DNAH9: variants seen among roughly 807,000 people sequenced by gnomAD.
The protein encoded by DNAH9 is dynein axonemal heavy chain 9.
A neutral mutation model predicts 471.6 loss-of-function variants in DNAH9; 345 were observed. That is an observed-to-expected ratio of 0.73 (90% CI 0.67 to 0.80). The LOEUF is 0.80. Among genes scored for constraint, DNAH9 ranks in the 30% least tolerant of loss-of-function variants. The pLI is 0.00. For missense variants in DNAH9, 5,407 were observed against 5,609.2 expected, an observed-to-expected ratio of 0.96 and a Z score of 1.15; for synonymous variants, 2,093 against 2,123.6, an observed-to-expected ratio of 0.99 and a Z score of 0.40.
chr17:11,775,337 T>A (rs1326216926), intron 38 of DNAH9, among the ~76,000 whole-genome samples: 1 of 152,154 alleles, frequency 6.6e-6, no homozygotes, highest in Non-Finnish European at 1.5e-5. Flanking sequence ...AATTTAAGAA[T>A]CTACATTGAA....
intron 62 of DNAH9, among the ~76,000 whole-genome samples, chr17:11,927,048 G>A (rs752431735): frequency 3.9e-5 from 6 of 152,148 alleles, no homozygotes; most frequent in Non-Finnish European, 8.8e-5. Flanking sequence ...TGGCCACAAT[G>A]AATATCTTCT....
At chr17:11,718,464 A>G (rs2075003064) in intron 26 of DNAH9, among the ~76,000 whole-genome samples, 1 of 152,250 alleles carries the variant, frequency 6.6e-6, no homozygotes, top group African/African-American at 2.4e-5. Context: ...TATCCTGTGT[A>G]AATTCCTAGG....
At chr17:11,809,207 A>G (rs1388246977) in intron 44 of DNAH9, among the ~76,000 whole-genome samples, 9 of 150,562 alleles carry the variant, frequency 6.0e-5, no homozygotes, top group Admixed American at 1.3e-4. Context: ...GCATTTGTGT[A>G]TGTGTGTGTG....
At chr17:11,842,888 C>T (rs1286710260) in intron 49 of DNAH9, among the ~76,000 whole-genome samples, 14 of 152,212 alleles carry the variant, frequency 9.2e-5, no homozygotes, top group African/African-American at 3.1e-4. Context: ...AGGAACAATA[C>T]TTTGCACCCT....
intron 61 of DNAH9, among the ~76,000 whole-genome samples, chr17:11,914,026 T>C (rs1411618207): frequency 6.6e-6 from 1 of 152,154 alleles, no homozygotes; most frequent in Non-Finnish European, 1.5e-5. Context: ...AAACAGCACA[T>C]ATATTCTAAT....
rs1181383198 is a variant in DNAH9, at chr17:11,654,379, G to A, written c.2595+1377G>A. Among the ~76,000 whole-genome samples, 716 of 96,434 alleles carry A rather than the reference G, an allele frequency of 7.4e-3. 10 individuals carry two copies. Among genetic ancestry groups the A allele is most frequent in the Non-Finnish European group, 0.011 (504 of 44,238 alleles). The allele number at this position is 96,434 out of a possible 152,430, so 63.3% of individuals were successfully genotyped here. On this transcript the variant is annotated intron_variant, in intron 14 of 68. Transcript: ENST00000262442. ...TCAAAAAAAAAAAAAAAAAAAAAAA[G>A]TTTAAAATCGATCTATCATCCATCT...
chr17:11,843,152 C>T (rs1971088296), intron 49 of DNAH9, among the ~76,000 whole-genome samples: 1 of 152,154 alleles, frequency 6.6e-6, no homozygotes, highest in African/African-American at 2.4e-5. Flanking sequence ...CCCTTCACTA[C>T]TGTAATTCAA....
At chr17:11,824,496 T>C (rs778622869) in intron 48 of DNAH9, among the ~76,000 whole-genome samples, 4 of 152,168 alleles carry the variant, frequency 2.6e-5, no homozygotes, top group African/African-American at 4.8e-5. Context: ...CTGGGAGCAA[T>C]AGTCAGTTGG....
At chr17:11,719,993 A>G (rs2075025989) in intron 27 of DNAH9, among the ~76,000 whole-genome samples, 1 of 152,156 alleles carries the variant, frequency 6.6e-6, no homozygotes, top group South Asian at 2.1e-4. Context: ...GTGATTTCTG[A>G]AAGCAGGCTA....
intron 26 of DNAH9, among the ~76,000 whole-genome samples, chr17:11,716,942 A>T (rs1193073768): frequency 2.0e-5 from 3 of 152,254 alleles, no homozygotes; most frequent in South Asian, 2.1e-4. Flanking sequence ...GATAGCAGGC[A>T]TGGGATCCAC....
chr17:11,924,042 C>G, intron 62 of DNAH9, 101 bp downstream of exon 62: 1 of 1,464,522 alleles, frequency 6.8e-7, no homozygotes, highest in South Asian at 1.3e-5. Context: ...CCCATCTGTC[C>G]TTTCACACTC....
chr17:11,874,892 C>A, intron 52 of DNAH9, 57 bp from the exon 53 acceptor site: 3 of 1,305,206 alleles, frequency 2.3e-6, no homozygotes, highest in Non-Finnish European at 3.3e-6. Flanking sequence ...TGCATTCATC[C>A]CAGCTGAGAA....
At chr17:11,657,649 T>C (rs2073678306) in intron 14 of DNAH9, among the ~76,000 whole-genome samples, 1 of 152,080 alleles carries the variant, frequency 6.6e-6, no homozygotes, top group Admixed American at 6.5e-5. Flanking sequence ...TTTTATTTTT[T>C]TTCTTTTAGA....
intron 60 of DNAH9, 38 bp downstream of exon 60, chr17:11,902,950 G>A (rs779130823): frequency 2.5e-6 from 4 of 1,586,906 alleles, no homozygotes; most frequent in East Asian, 2.2e-5. Flanking sequence ...GCATAGGCAT[G>A]GGGCAAGGGC....
intron 20 of DNAH9, among the ~76,000 whole-genome samples, chr17:11,692,664 T>G (rs549672972): frequency 6.6e-6 from 1 of 152,048 alleles, no homozygotes; most frequent in African/African-American, 2.4e-5. Flanking sequence ...ATAATCACAT[T>G]AAGATGTTAT....
chr17:11,654,428 A>G (rs1339249622), intron 14 of DNAH9, among the ~76,000 whole-genome samples: 2 of 150,810 alleles, frequency 1.3e-5, no homozygotes, highest in East Asian at 3.9e-4. Context: ...CTATCTATTG[A>G]TGTATCACCT....
chr17:11,969,614 T>A lies in DNAH9; in HGVS notation c.*87T>A. 1.9e-6 allele frequency: 2 copies of A among 1,078,680 alleles called. No individual in the cohort carries two copies. The highest frequency in any genetic ancestry group is 2.6e-6 in the Non-Finnish European group (2 of 768,138). 66.8% of individuals were successfully genotyped at this position (1,078,680 alleles called of 1,614,324 possible). A position where few individuals can be genotyped will look rare whatever the true frequency, so the allele number is the denominator to read the frequency against. On this transcript the variant is annotated 3_prime_UTR_variant, in exon 69 of 69. Transcript: ENST00000262442. ...GTGGGTGAAGGGTCACCACAGACAC[T>A]TAGAACGGTAAGAAACCATGAGCAC...
In DNAH9 at chr17:11,834,767, G is replaced by C; in HGVS notation, c.9376G>C (p.Asp3126His). Residue 3126 changes from aspartate to histidine, a missense_variant, in exon 49 of 69, where the codon GAT becomes CAT. By Grantham distance (81) the Asp-to-His change is moderately conservative. Coordinates refer to ENST00000262442, the MANE Select transcript of DNAH9 (RefSeq NM_001372.4). ...AGTGAGCAGAGAGAAAGCCATGGCA[G>C]ATGAAGAGGAGCAGAAGGTGGCCGT... ...DKVSREKAMA[D>H]EEEQKVAVIM... 1 of 1,614,140 alleles carries C rather than the reference G, an allele frequency of 6.2e-7. No individual in the cohort carries two copies. The highest frequency in any genetic ancestry group is 8.5e-7 in the Non-Finnish European group (1 of 1,180,018).
chr17:11,955,377 C>CA (rs1163398226), intron 67 of DNAH9, among the ~76,000 whole-genome samples: 4 of 151,418 alleles, frequency 2.6e-5, no homozygotes, highest in Admixed American at 2.0e-4. Context: ...CTAGAGCAGC[C>CA]AAAAAATAAA....
Sources: gnomAD v4.1 joint callset for allele counts (sites outside exome capture counted in the v4.1 genomes callset) on GRCh38, gnomAD v4.1.1 for gene constraint, MANE v1.5 for transcripts, NCBI Gene and HGNC (gene_info 2026-07-23, HGNC 2026-07-21) for gene names.